The following COL22A1 variants were observed in gnomAD, a reference collection of about 807,000 sequenced individuals.
COL22A1 encodes the protein collagen alpha-1(XXII) chain.
In COL22A1, 221 loss-of-function variants were observed where a neutral mutation model predicts 248.9. The observed-to-expected ratio is 0.89, with a 90% CI of 0.80 to 0.99. The LOEUF is 0.99. Ranked by LOEUF, COL22A1 falls within the 50% of genes least tolerant of loss-of-function variation. The pLI is 0.00. For missense variants in COL22A1, 2,240 were observed against 2,179.0 expected (o/e 1.03, Z -0.56); for synonymous variants, 891 against 793.4 (o/e 1.12, Z -2.07).
At chr8:138,776,179 C>CT (rs142600851) in intron 15 of COL22A1, among the ~76,000 whole-genome samples, 169 bp from the exon 16 acceptor site, 3,586 of 152,246 alleles carry the variant, frequency 0.024, 75 homozygotes, top group African/African-American at 0.052. Context: ...AAAGCAGCTG[C>CT]TGTGTCGTCT....
chr8:138,804,998 T>A (rs1817359717), intron 10 of COL22A1, among the ~76,000 whole-genome samples: 1 of 143,142 alleles, frequency 7.0e-6, no homozygotes. Flanking sequence ...TGTGATGGTG[T>A]AGGCAATGGT....
chr8:138,635,590 T>C (rs1466067057), intron 48 of COL22A1, among the ~76,000 whole-genome samples: 2 of 152,200 alleles, frequency 1.3e-5, no homozygotes, highest in East Asian at 3.9e-4. Flanking sequence ...GAGGAGTCTA[T>C]TGCATATTAT....
intron 3 of COL22A1, among the ~76,000 whole-genome samples, chr8:138,849,206 C>A (rs1249404708): frequency 6.6e-6 from 1 of 152,202 alleles, no homozygotes; most frequent in African/African-American, 2.4e-5. Context: ...GCCCGCGTGG[C>A]TAGGTCCTGC....
chr8:138,681,580 G>T (rs1261472452), intron 39 of COL22A1, among the ~76,000 whole-genome samples: 2 of 152,090 alleles, frequency 1.3e-5, no homozygotes, highest in East Asian at 3.9e-4. Flanking sequence ...GGTCCCTGAG[G>T]TCCTTCTCCT....
intron 18 of COL22A1, among the ~76,000 whole-genome samples, chr8:138,756,862 T>C (rs1038817233): frequency 6.6e-6 from 1 of 152,122 alleles, no homozygotes; most frequent in Non-Finnish European, 1.5e-5. Flanking sequence ...ATCACCTCAC[T>C]TTTCACAGCA....
In COL22A1 at chr8:138,607,967, G is replaced by A. The variant is rs1471636566; in HGVS notation, c.4001C>T (p.Ser1334Phe). The change falls in exon 57 of 65, where the codon TCT (serine) becomes TTT (phenylalanine). Residue 1334 changes from serine to phenylalanine, a missense_variant. Transcript: ENST00000303045. ...TCCTGAAGGGCCAGGCTCTCCTGGA[G>A]ATCCCGGTGATCCATTCTTGCCCTG... is the stretch of plus-strand genomic sequence containing the variant. ...GPPGKNGSPG[S>F]PGEPGPSGTP... 1 of 1,614,102 alleles carries A rather than the reference G, an allele frequency of 6.2e-7. No individual in the cohort carries two copies. Among genetic ancestry groups the A allele is most frequent in the South Asian group, 1.1e-5 (1 of 91,058 alleles).
At chr8:138,734,167 CTG>C (rs1298220120) in intron 23 of COL22A1, among the ~76,000 whole-genome samples, 2 of 152,212 alleles carry the variant, frequency 1.3e-5, no homozygotes, top group African/African-American at 4.8e-5. Context: ...TCCATGGAAA[CTG>C]TGAGGAGCAA....
chr8:138,722,068 GC>G lies in COL22A1; in HGVS notation c.2268del (p.Pro757GlnfsTer58). 6.3e-7 allele frequency: 1 copy of G among 1,583,762 alleles called. No homozygotes were observed. ...CCTGGCGGACCTGGTGGTCCATTTG[GC>G]CCGTCCTTTCCAGGGGGTCCCTGGG... ...PGPTGPPGKD[G>X]PNGPPGPPGT... On this transcript the variant is annotated frameshift_variant, in exon 26 of 65. Coordinates refer to ENST00000303045, the MANE Select transcript of COL22A1 (RefSeq NM_152888.3). LOFTEE classifies it high-confidence loss of function.
intron 2 of COL22A1, among the ~76,000 whole-genome samples, chr8:138,882,794 C>A (rs1224037066): frequency 1.3e-5 from 2 of 151,624 alleles, no homozygotes; most frequent in African/African-American, 4.9e-5. Flanking sequence ...CACACACAGT[C>A]CCCCACATTC....
At chr8:138,683,137 G>A (rs1360018806) in intron 39 of COL22A1, among the ~76,000 whole-genome samples, 6 of 152,118 alleles carry the variant, frequency 3.9e-5, no homozygotes, top group Non-Finnish European at 7.4e-5. Context: ...TCTGCTTTTC[G>A]TCTGTTGACA....
intron 23 of COL22A1, among the ~76,000 whole-genome samples, chr8:138,727,281 C>G (rs1830388863): frequency 6.6e-6 from 1 of 152,146 alleles, no homozygotes; most frequent in African/African-American, 2.4e-5. Context: ...CCCACACCTC[C>G]CTTCTGAGCC....
rs113345708 is a variant in COL22A1 at position 138,690,504 on chromosome 8, G to A, written c.2808+317C>T. ...TCCAGGTCCCCCAATAGCCGTCAGG[G>A]GACCTTTGACTTCTTTAGGTTCATT... On this transcript the variant is annotated intron_variant, in intron 36 of 64. Transcript: ENST00000303045. Among the ~76,000 whole-genome samples the A allele has an allele frequency of 3.9e-3, 589 of 152,214 alleles. 3 individuals carry two copies. Among genetic ancestry groups the A allele is most frequent in the African/African-American group, 0.013 (548 of 41,520 alleles).
chr8:138,826,482 T>C (rs1432471257), intron 6 of COL22A1, among the ~76,000 whole-genome samples, 176 bp downstream of exon 6: 1 of 152,094 alleles, frequency 6.6e-6, no homozygotes, highest in African/African-American at 2.4e-5. Flanking sequence ...AAGCTAGACC[T>C]CTTGGGTCTC....
chr8:138,605,869 A>T (rs763203663), intron 58 of COL22A1, among the ~76,000 whole-genome samples: 1 of 152,174 alleles, frequency 6.6e-6, no homozygotes, highest in Non-Finnish European at 1.5e-5. Flanking sequence ...CAAACCTACC[A>T]CATGGCTTTG....
At chr8:138,819,970 C>T (rs1412113465) in intron 7 of COL22A1, among the ~76,000 whole-genome samples, 2 of 151,862 alleles carry the variant, frequency 1.3e-5, no homozygotes, top group Non-Finnish European at 1.5e-5. Flanking sequence ...TGGAGATGTA[C>T]CCCCCTTTTC....
chr8:138,811,722 G>A (rs1484385614), intron 9 of COL22A1, 77 bp downstream of exon 9: 2 of 1,575,292 alleles, frequency 1.3e-6, no homozygotes, highest in Non-Finnish European at 1.7e-6. Context: ...TGACCTGAAA[G>A]GCCACATGCA....
At chr8:138,716,667 T>G (rs1829457211) in intron 28 of COL22A1, among the ~76,000 whole-genome samples, 158 bp downstream of exon 28, 1 of 152,168 alleles carries the variant, frequency 6.6e-6, no homozygotes, top group African/African-American at 2.4e-5. Context: ...GTGACATCTG[T>G]TCAATTGTTC....
chr8:138,649,630 A>T, intron 46 of COL22A1, 35 bp downstream of exon 46: 3 of 1,591,818 alleles, frequency 1.9e-6, no homozygotes, highest in Non-Finnish European at 2.6e-6. Flanking sequence ...TTTTCATTGT[A>T]ATGATAAAAA....
intron 61 of COL22A1, 126 bp downstream of exon 61, chr8:138,598,593 A>T: frequency 3.4e-6 from 3 of 887,368 alleles, no homozygotes; most frequent in Non-Finnish European, 5.2e-6. Context: ...AGCCTGCCCC[A>T]GGTCATACCT....
Sources: allele counts gnomAD v4.1 joint callset (sites outside exome capture counted in the v4.1 genomes callset), GRCh38; gene constraint gnomAD v4.1.1; transcripts MANE v1.5; gene names NCBI Gene and HGNC (gene_info 2026-07-23, HGNC 2026-07-21).